The following FOXN3 variants were observed in gnomAD, a reference collection of about 807,000 sequenced individuals.
The protein encoded by FOXN3 is forkhead box protein N3.
In FOXN3, 7 loss-of-function variants were observed where a neutral mutation model predicts 38.4. The observed-to-expected ratio is 0.18, with a 90% CI of 0.10 to 0.34. The LOEUF is 0.34. FOXN3 is among the 10% of genes least tolerant of loss of function. The pLI, the probability that FOXN3 is intolerant of heterozygous loss-of-function variation, is 1.00. For missense variants in FOXN3, 456 were observed against 613.4 expected (o/e 0.74, Z 2.71); for synonymous variants, 230 against 242.2 (o/e 0.95, Z 0.47).
intron 4 of FOXN3, among the ~76,000 whole-genome samples, chr14:89,270,839 G>T (rs948681315): frequency 1.3e-5 from 2 of 152,176 alleles, no homozygotes; most frequent in African/African-American, 4.8e-5. Context: ...GAAGCAAGGT[G>T]TGGAATGGAC....
intron 1 of FOXN3, among the ~76,000 whole-genome samples, chr14:89,471,611 T>C (rs976659232): frequency 6.6e-6 from 1 of 152,248 alleles, no homozygotes; most frequent in East Asian, 1.9e-4. Flanking sequence ...AAAAATTATC[T>C]TGCTTCAGTT....
intron 1 of FOXN3, among the ~76,000 whole-genome samples, chr14:89,560,691 G>T (rs544248324): frequency 5.9e-5 from 9 of 152,292 alleles, no homozygotes; most frequent in African/African-American, 2.2e-4. Context: ...TTTAGGCTTT[G>T]TTGTCTCTGA....
At chr14:89,244,366 C>CT (rs766526974) in intron 4 of FOXN3, among the ~76,000 whole-genome samples, 11 of 152,158 alleles carry the variant, frequency 7.2e-5, no homozygotes, top group Non-Finnish European at 1.5e-4. Flanking sequence ...ATAAGCCCTC[C>CT]TATTGTATCC....
intron 3 of FOXN3, among the ~76,000 whole-genome samples, chr14:89,337,135 C>G (rs1255386413): frequency 6.6e-6 from 1 of 152,178 alleles, no homozygotes; most frequent in Non-Finnish European, 1.5e-5. Flanking sequence ...CCAGAAAAAT[C>G]AGGACCTCTG....
In FOXN3 at chr14:89,162,827, A is replaced by G; in HGVS notation, c.994T>C (p.Ser332Pro). 1.2e-6 allele frequency: 2 copies of G among 1,612,074 alleles called. No individual in the cohort carries two copies. ...GCTGAGGAGGAGGAGGAGGAGATGG[A>G]GTCGCTGGTGGGCGAGGTGCTCCGG... ...NARSTSPTSD[S>P]ISSSSSSADD... Residue 332 changes from serine (S) to proline (P), a missense_variant, in exon 6 of 6, where the codon TCC becomes CCC. Physicochemically the swap from Ser to Pro is moderately conservative, Grantham distance 74. Coordinates refer to ENST00000557258, the MANE Select transcript of FOXN3 (RefSeq NM_005197.4). This position sits in a 1 kb window ranked among gnomAD's most constrained non-coding sequence, Gnocchi z 7.2.
At chr14:89,416,459 G>A (rs1447337643) in intron 1 of FOXN3, among the ~76,000 whole-genome samples, 3 of 152,150 alleles carry the variant, frequency 2.0e-5, no homozygotes, top group Non-Finnish European at 2.9e-5. Flanking sequence ...GGGGTCTCCG[G>A]AGACGTTCGT....
intron 3 of FOXN3, among the ~76,000 whole-genome samples, chr14:89,345,723 T>C (rs1596199690): frequency 6.6e-6 from 1 of 152,264 alleles, no homozygotes; most frequent in African/African-American, 2.4e-5. Flanking sequence ...AGAACATACG[T>C]TTTCCATTGG....
At chr14:89,299,983 T>C (rs1261178177) in intron 3 of FOXN3, among the ~76,000 whole-genome samples, 1 of 152,144 alleles carries the variant, frequency 6.6e-6, no homozygotes, top group Non-Finnish European at 1.5e-5. Context: ...CACTTGCATC[T>C]TCTGTCCCAG....
intron 2 of FOXN3, among the ~76,000 whole-genome samples, chr14:89,407,725 C>A (rs1018875073): frequency 6.6e-6 from 1 of 152,042 alleles, no homozygotes; most frequent in African/African-American, 2.4e-5. Flanking sequence ...TGTAGTCCCC[C>A]CTTCGGAGGC....
intron 2 of FOXN3, among the ~76,000 whole-genome samples, chr14:89,355,899 G>A (rs1053231363): frequency 1.3e-5 from 2 of 152,016 alleles, no homozygotes; most frequent in African/African-American, 4.8e-5. Context: ...CGTGGCTCTG[G>A]GGCAGTGCCT....
chr14:89,205,590 G>C (rs531956438), intron 4 of FOXN3, among the ~76,000 whole-genome samples: 1 of 152,210 alleles, frequency 6.6e-6, no homozygotes, highest in East Asian at 1.9e-4. Context: ...ACGGCGGGAC[G>C]ACGCGGAATT....
At chr14:89,167,360 C>G (rs1285247067) in intron 5 of FOXN3, among the ~76,000 whole-genome samples, 1 of 152,216 alleles carries the variant, frequency 6.6e-6, no homozygotes, top group Non-Finnish European at 1.5e-5. Flanking sequence ...GAGCATGTGT[C>G]ATCTCTGCCT....
intron 2 of FOXN3, among the ~76,000 whole-genome samples, chr14:89,366,890 G>A (rs1396668569): frequency 6.6e-6 from 1 of 152,142 alleles, no homozygotes; most frequent in African/African-American, 2.4e-5. Context: ...GTTGTCCGTA[G>A]TTACTCATCT....
chr14:89,383,051 T>TC (rs1783427563), intron 2 of FOXN3, among the ~76,000 whole-genome samples: 1 of 149,542 alleles, frequency 6.7e-6, no homozygotes, highest in Admixed American at 6.6e-5. Flanking sequence ...TTTTTTTTTT[T>TC]TTTCCTTTTT....
chr14:89,486,063 T>G (rs1893438164), intron 1 of FOXN3, among the ~76,000 whole-genome samples: 1 of 152,296 alleles, frequency 6.6e-6, no homozygotes, highest in South Asian at 2.1e-4. Flanking sequence ...CATTTTCTTA[T>G]GAGTGAGTCA....
At chr14:89,420,027 C>T (rs771067333), upstream of FOXN3, among the ~76,000 whole-genome samples, 15 of 152,220 alleles carry the variant, frequency 9.9e-5, no homozygotes, top group East Asian at 3.9e-4. Context: ...AGAGGAAATA[C>T]GGGGAGGCTG....
At chr14:89,511,198 C>CT (rs1418986855) in intron 1 of FOXN3, among the ~76,000 whole-genome samples, 3 of 16,464 alleles carry the variant, frequency 1.8e-4, no homozygotes, top group East Asian at 4.4e-4. Context: ...TCTTTTCTTT[C>CT]TTTCTTTTCT....
intron 3 of FOXN3, among the ~76,000 whole-genome samples, chr14:89,348,410 C>G (rs1204168066): frequency 6.6e-6 from 1 of 152,192 alleles, no homozygotes; most frequent in African/African-American, 2.4e-5. Flanking sequence ...TGTTAAGACA[C>G]AGAAATATTG....
rs1555358045 is a variant in FOXN3 at position 89,511,141 on chromosome 14, T to TTTCTTTCTTTC, written c.-14-98652_-14-98651insGAAAGAAAGAA. ...CTTGGTGTCTTTCTTTCTTTCTTTC[T>TTTCTTTCTTTC]TTTCTTTCTTTCTTTCTTTCTTTCT... On this transcript the variant is annotated intron_variant, in intron 1 of 6. Coordinates refer to the FOXN3 transcript ENST00000345097. Among the ~76,000 whole-genome samples, 15 of 20,996 alleles carry TTTCTTTCTTTC rather than the reference T, an allele frequency of 7.1e-4. 5 individuals are homozygous for TTTCTTTCTTTC. Among genetic ancestry groups the TTTCTTTCTTTC allele is most frequent in the Admixed American group, 2.0e-3 (2 of 1,024 alleles). 13.8% of individuals were successfully genotyped at this position (20,996 alleles called of 152,430 possible).
Sources: gnomAD v4.1 joint callset for allele counts (sites outside exome capture counted in the v4.1 genomes callset) on GRCh38, gnomAD v4.1.1 for gene constraint, Gnocchi (gnomAD v3.1) non-coding constraint, MANE v1.5 for transcripts, NCBI Gene and HGNC (gene_info 2026-07-23, HGNC 2026-07-21) for gene names.